SBF2: variants seen among roughly 807,000 people sequenced by gnomAD.
SBF2 encodes myotubularin-related protein 13.
A neutral mutation model predicts 225.2 loss-of-function variants in SBF2; 112 were observed. That is an observed-to-expected ratio of 0.50 (90% CI 0.43 to 0.58). The LOEUF (loss-of-function observed/expected upper bound fraction) is 0.58. Among genes scored for constraint, SBF2 ranks in the 20% least tolerant of loss-of-function variants. The pLI, the probability that SBF2 is intolerant of heterozygous loss-of-function variation, is 0.00. For missense variants in SBF2, 1,996 were observed against 2,206.2 expected, an observed-to-expected ratio of 0.90 and a Z score of 1.91; for synonymous variants, 763 against 773.3, an observed-to-expected ratio of 0.99 and a Z score of 0.22.
chr11:10,029,628 G>A (rs1253520916), intron 5 of SBF2, 137 bp downstream of exon 5: 2 of 726,072 alleles, frequency 2.8e-6, no homozygotes, highest in Non-Finnish European at 4.9e-6. Context: ...TGGGGACAAT[G>A]CTTAACTAAA....
chr11:10,087,425 G>A (rs1483248317), intron 2 of SBF2, among the ~76,000 whole-genome samples: 2 of 152,072 alleles, frequency 1.3e-5, no homozygotes, highest in African/African-American at 2.4e-5. Context: ...ATATTTAGCA[G>A]CCAGTGAATA....
intron 2 of SBF2, among the ~76,000 whole-genome samples, chr11:10,056,201 T>C (rs1448752517): frequency 3.3e-5 from 5 of 152,232 alleles, no homozygotes; most frequent in African/African-American, 1.2e-4. Flanking sequence ...CTCTTTTTGC[T>C]GAGGTTTGCC....
chr11:10,214,493 C>G (rs1958056642), intron 1 of SBF2, among the ~76,000 whole-genome samples: 1 of 152,062 alleles, frequency 6.6e-6, no homozygotes, highest in East Asian at 1.9e-4. Context: ...CGTGGTGGCA[C>G]GCGCCTGTAG....
chr11:10,294,775 G>A (rs1340015936), upstream of SBF2, among the ~76,000 whole-genome samples: 1 of 152,238 alleles, frequency 6.6e-6, no homozygotes, highest in Admixed American at 6.5e-5. Context: ...GTCGGCCTGG[G>A]CTTCCCCCGG....
chr11:9,881,549 C>T (rs1859761609), intron 17 of SBF2, among the ~76,000 whole-genome samples: 1 of 152,064 alleles, frequency 6.6e-6, no homozygotes, highest in African/African-American at 2.4e-5. Flanking sequence ...CCGCCTTAAT[C>T]CTTCTAGAGG....
At position 9,805,059 on chromosome 11, in the gene SBF2, A is replaced by T. The variant is rs540227288; in HGVS notation, c.4443+2941T>A. ...CAGGAGTTCAAGACTAGCCTGGACA[A>T]CATGGCAAAACCCTGTCTCTACCAA... On this transcript the variant is annotated intron_variant, in intron 32 of 39. Transcript: ENST00000256190. Among the ~76,000 whole-genome samples, 336 of 152,282 alleles carry T rather than the reference A, an allele frequency of 2.2e-3. 3 individuals are homozygous for T. Among genetic ancestry groups the T allele is most frequent in the Non-Finnish European group, 4.2e-3 (289 of 68,010 alleles).
intron 12 of SBF2, among the ~76,000 whole-genome samples, chr11:9,990,321 G>A (rs572054518): frequency 1.3e-4 from 20 of 152,268 alleles, no homozygotes; most frequent in Admixed American, 9.8e-4. Flanking sequence ...AGACTGTCAA[G>A]GGCAAACATT....
chr11:9,973,632 T>C (rs886746331), intron 13 of SBF2, among the ~76,000 whole-genome samples: 2 of 152,160 alleles, frequency 1.3e-5, no homozygotes, highest in Non-Finnish European at 2.9e-5. Context: ...AAGTGACATA[T>C]ACACACATCA....
chr11:10,175,629 C>G lies in SBF2; in HGVS notation c.141+18273G>C, dbSNP rs900792898. Among the ~76,000 whole-genome samples, 32 of 150,802 alleles carry G rather than the reference C, an allele frequency of 2.1e-4. 1 individual carries two copies. The highest frequency in any genetic ancestry group is 1.7e-3 in the Admixed American group (25 of 15,112). On this transcript the variant is annotated intron_variant, in intron 2 of 39. Coordinates refer to ENST00000256190, the MANE Select transcript of SBF2 (RefSeq NM_030962.4). ...GAGACAGAAAGTCAACAAGGATACC[C>G]AGGAATGGAACTCAGCTCTGCACCA...
chr11:10,282,234 T>C (rs930487139), intron 1 of SBF2, among the ~76,000 whole-genome samples: 3 of 152,224 alleles, frequency 2.0e-5, no homozygotes, highest in Non-Finnish European at 4.4e-5. Context: ...TTGGTTCTTT[T>C]GCAATACCTC....
At chr11:9,881,138 C>A (rs950087366) in intron 17 of SBF2, among the ~76,000 whole-genome samples, 5 of 152,122 alleles carry the variant, frequency 3.3e-5, no homozygotes, top group African/African-American at 1.2e-4. Context: ...TATAGAATCT[C>A]ATTTCTTCAA....
At chr11:10,117,124 C>T (rs773839294) in intron 2 of SBF2, among the ~76,000 whole-genome samples, 3 of 152,090 alleles carry the variant, frequency 2.0e-5, no homozygotes, top group Non-Finnish European at 2.9e-5. Context: ...AGTACTGATA[C>T]ATGAAGTAAG....
At chr11:10,081,806 C>T (rs184497820) in intron 2 of SBF2, among the ~76,000 whole-genome samples, 9 of 149,532 alleles carry the variant, frequency 6.0e-5, no homozygotes, top group Admixed American at 4.0e-4. Flanking sequence ...AGCAACCTGA[C>T]ATTGTATCTC....
At chr11:9,992,377 T>G in intron 12 of SBF2, 38 bp downstream of exon 12, 1 of 1,567,106 alleles carries the variant, frequency 6.4e-7, no homozygotes, top group Non-Finnish European at 8.7e-7. Context: ...AGTCTAATTA[T>G]GTCTATAAAT....
chr11:9,845,684 C>T lies in SBF2; in HGVS notation c.2991G>A (p.Lys997=), dbSNP rs1221528230. 6.2e-7 allele frequency: 1 copy of T among 1,613,948 alleles called. No homozygotes were observed. The highest frequency in any genetic ancestry group is 1.7e-5 in the Admixed American group (1 of 60,014). Residue 997 remains lysine (K), a synonymous_variant, in exon 24 of 40, where the codon AAG becomes AAA. Coordinates refer to ENST00000256190, the MANE Select transcript of SBF2 (RefSeq NM_030962.4). ...GATAACGGAACTTCATCAGCTGTTTCTTAAAGATCTCTACTACTTCTGGAC... is the reference window on the plus strand; with the variant it reads ...GATAACGGAACTTCATCAGCTGTTTTTTAAAGATCTCTACTACTTCTGGAC... The part of the protein sequence containing the change: ...EVSPEVVEIF[K]KQLMKFRYPQ...
intron 28 of SBF2, among the ~76,000 whole-genome samples, chr11:9,823,843 T>C (rs1439618646): frequency 1.3e-5 from 2 of 152,226 alleles, no homozygotes; most frequent in African/African-American, 4.8e-5. Flanking sequence ...CAGCAGTATC[T>C]CTTTGTCCAG....
At chr11:10,173,362 C>A (rs2135255501) in intron 2 of SBF2, among the ~76,000 whole-genome samples, 1 of 152,308 alleles carries the variant, frequency 6.6e-6, no homozygotes. Context: ...CGCAAGGGGT[C>A]AGGGAGTTCC....
At chr11:10,220,927 T>G (rs1958316786) in intron 1 of SBF2, among the ~76,000 whole-genome samples, 1 of 152,118 alleles carries the variant, frequency 6.6e-6, no homozygotes, top group South Asian at 2.1e-4. Flanking sequence ...ATCCTATTTC[T>G]CATAGATAAA....
intron 16 of SBF2, among the ~76,000 whole-genome samples, chr11:9,949,826 C>T (rs1334374425): frequency 6.6e-6 from 1 of 151,912 alleles, no homozygotes; most frequent in Non-Finnish European, 1.5e-5. Context: ...CAATGAAATA[C>T]ATAATACACC....
Sources: allele counts gnomAD v4.1 joint callset (sites outside exome capture counted in the v4.1 genomes callset), GRCh38; gene constraint gnomAD v4.1.1; transcripts MANE v1.5; gene names NCBI Gene and HGNC (gene_info 2026-07-23, HGNC 2026-07-21).